Variants in CCDC18 observed in about 807,000 individuals in gnomAD.
The protein encoded by CCDC18 is coiled-coil domain-containing protein 18.
CCDC18 carries 157 observed loss-of-function variants against 196.0 expected under a neutral mutation model. The observed-to-expected ratio is 0.80, with a 90% CI of 0.70 to 0.91. CCDC18 has a LOEUF of 0.91. Ranked by LOEUF, CCDC18 falls within the 40% of genes least tolerant of loss-of-function variation. The pLI is 0.00. For synonymous variants in CCDC18, 482 were observed against 529.2 expected, an observed-to-expected ratio of 0.91 and a Z score of 1.22; for missense variants, 1,465 against 1,611.6, an observed-to-expected ratio of 0.91 and a Z score of 1.56.
At chr1:93,189,961 C>T (rs988343365) in intron 4 of CCDC18, among the ~76,000 whole-genome samples, 22 of 152,214 alleles carry the variant, frequency 1.4e-4, no homozygotes, top group African/African-American at 4.6e-4. Flanking sequence ...GCGCCTGGCC[C>T]TGTGATTTTT....
intron 4 of CCDC18, among the ~76,000 whole-genome samples, chr1:93,188,067 T>A (rs1408413474): frequency 2.6e-5 from 4 of 152,218 alleles, no homozygotes; most frequent in African/African-American, 9.7e-5. Context: ...TTTGAACCTT[T>A]CTTTTTAGGA....
At position 93,221,872 on chromosome 1, in the gene CCDC18, A is replaced by G; in HGVS notation, c.2111A>G (p.Glu704Gly). ...TACTGTTTTTAGGAAATGAAAAAGG[A>G]AAATATGAAGAAAGATGAAGCTTTA... ...LTESKGEMKK[E>G]NMKKDEALKA... Residue 704 changes from glutamate to glycine, a missense_variant, in exon 16 of 29, where the codon GAA becomes GGA. Transcript: ENST00000690025. 6.2e-7 allele frequency: 1 copy of G among 1,601,270 alleles called. No individual in the cohort carries two copies. Among genetic ancestry groups the G allele is most frequent in the Non-Finnish European group, 8.5e-7 (1 of 1,173,038 alleles).
chr1:93,264,809 G>A lies in CCDC18; in HGVS notation c.3793G>A (p.Glu1265Lys). 1 of 1,613,458 alleles carries A rather than the reference G, an allele frequency of 6.2e-7. No homozygotes were observed. Among genetic ancestry groups the A allele is most frequent in the South Asian group, 1.1e-5 (1 of 91,042 alleles). ...GTTAGAGAAGGCAAAATTGGAATTA[G>A]AAGAAGCTCAGGATACTGTAAGCAA... ...EQLEKAKLEL[E>K]EAQDTVSNLH... is the part of the protein sequence containing the mutation. Residue 1265 changes from glutamate to lysine, a missense_variant, in exon 27 of 29, where the codon GAA (glutamate) becomes AAA (lysine). Physicochemically the swap from Glu to Lys is moderately conservative, Grantham distance 56 (BLOSUM62 1). Coordinates refer to ENST00000690025, the MANE Select transcript of CCDC18 (RefSeq NM_001378204.1).
intron 4 of CCDC18, chr1:93,191,044 T>G: frequency 1.1e-6 from 1 of 873,060 alleles, no homozygotes; most frequent in Non-Finnish European, 1.9e-6. Flanking sequence ...CCTGCAGGTT[T>G]TAGGAATGTT....
At chr1:93,216,323 G>C (rs1261732391) in intron 12 of CCDC18, among the ~76,000 whole-genome samples, 1 of 152,210 alleles carries the variant, frequency 6.6e-6, no homozygotes, top group African/African-American at 2.4e-5. Context: ...CGTAAAAATA[G>C]ATTAGGGTAT....
chr1:93,221,996 A>G, intron 16 of CCDC18, 60 bp downstream of exon 16: 2 of 1,151,220 alleles, frequency 1.7e-6, no homozygotes, highest in Non-Finnish European at 2.5e-6. Context: ...AACAGACAGA[A>G]TCTCTCTCAT....
rs746280443 is a variant in CCDC18, at chr1:93,254,519, GAA to G, written c.3251_3252del (p.Lys1084ArgfsTer8). Reference protein sequence around the residue: ...KLQNAKEQLREKEFIMLQNEQ... With the variant: ...KLQNAKEQLRXKEFIMLQNEQ... ...ACAAAATGCTAAAGAACAGCTTCGAGAAAAAGAGTTTATAATGCTACAAAATG... is the reference window on the plus strand; with the variant it reads ...ACAAAATGCTAAAGAACAGCTTCGAGAAAGAGTTTATAATGCTACAAAATG... On this transcript the variant is annotated frameshift_variant, in exon 24 of 29. Transcript: ENST00000690025. LOFTEE classifies it high-confidence loss of function. 3.1e-6 allele frequency: 5 copies of G among 1,603,266 alleles called. No individual in the cohort carries two copies. In the South Asian group the frequency reaches 3.3e-5, roughly 11 times the overall value.
chr1:93,246,531 A>C (rs1661519865), intron 22 of CCDC18, among the ~76,000 whole-genome samples: 1 of 152,132 alleles, frequency 6.6e-6, no homozygotes, highest in South Asian at 2.1e-4. Context: ...ATGAAGTCTG[A>C]ATTATTTGTC....
At chr1:93,197,998 G>A (rs1271172124) in intron 6 of CCDC18, among the ~76,000 whole-genome samples, 10 of 151,798 alleles carry the variant, frequency 6.6e-5, no homozygotes, top group Admixed American at 4.6e-4. Flanking sequence ...TGATCCGCCC[G>A]CCTTGGCCTC....
At chr1:93,226,787 G>A (rs1402127459) in intron 17 of CCDC18, among the ~76,000 whole-genome samples, 11 of 152,066 alleles carry the variant, frequency 7.2e-5, no homozygotes, top group Non-Finnish European at 1.2e-4. Flanking sequence ...ACCCACCTCG[G>A]CCTCCCAAAG....
intron 4 of CCDC18, among the ~76,000 whole-genome samples, chr1:93,187,479 T>C (rs1012022479): frequency 1.3e-5 from 2 of 152,124 alleles, no homozygotes; most frequent in African/African-American, 4.8e-5. Context: ...ACATGTGATA[T>C]ATTAAGGTTA....
intron 28 of CCDC18, among the ~76,000 whole-genome samples, chr1:93,273,743 A>C (rs1665483148): frequency 6.6e-6 from 1 of 152,162 alleles, no homozygotes; most frequent in African/African-American, 2.4e-5. Context: ...GCAGTCATAG[A>C]TATGCAAGAC....
rs375334492 is a variant in CCDC18, at chr1:93,270,733, T to C, written c.4272T>C (p.Leu1424=). 5.7e-5 allele frequency: 89 copies of C among 1,550,102 alleles called. 1 individual carries two copies. The highest frequency in any genetic ancestry group is 3.4e-4 in the African/African-American group (25 of 73,136). ...CTGAGAATAATGACTTTAACACGCTTAGTGGGATGCTAAGATACATAAACA... is the reference window on the plus strand; with the variant it reads ...CTGAGAATAATGACTTTAACACGCTCAGTGGGATGCTAAGATACATAAACA... ...DSSENNDFNT[L]SGMLRYINKE... The change falls in exon 28 of 29, where the codon CTT becomes CTC. Residue 1424 remains leucine, a synonymous_variant. Transcript: ENST00000690025.
At chr1:93,189,917 T>A (rs529046944) in intron 4 of CCDC18, among the ~76,000 whole-genome samples, 45 of 152,290 alleles carry the variant, frequency 3.0e-4, no homozygotes, top group African/African-American at 1.1e-3. Flanking sequence ...TCCACCCACC[T>A]CCCAAAGTGC....
At chr1:93,245,090 C>CATTT (rs1417356736) in intron 21 of CCDC18, among the ~76,000 whole-genome samples, 4 of 152,262 alleles carry the variant, frequency 2.6e-5, no homozygotes, top group African/African-American at 9.6e-5. Flanking sequence ...AGATCAGAGA[C>CATTT]ATTTATCTTT....
chr1:93,250,391 A>T (rs989648083), intron 23 of CCDC18, among the ~76,000 whole-genome samples: 1 of 151,776 alleles, frequency 6.6e-6, no homozygotes, highest in Admixed American at 6.6e-5. Context: ...AAAAAAAAAA[A>T]AAAAAAGAAA....
Position 93,276,262 on chromosome 1 carries a change from A to G in CCDC18, c.4354-2201A>G, listed in dbSNP as rs139026830. On this transcript the variant is annotated intron_variant, in intron 28 of 28. Transcript: ENST00000690025. ...AATGGTTAAGTACGTTGGCACTTCC[A>G]TTGAGAGTAAAGCCTCTTAACACTG... Among the ~76,000 whole-genome samples, 693 of 152,352 alleles carry G rather than the reference A, an allele frequency of 4.5e-3. 9 individuals are homozygous for G. The highest frequency in any genetic ancestry group is 0.016 in the African/African-American group (653 of 41,580).
chr1:93,214,743 C>T lies in CCDC18; in HGVS notation c.1496C>T (p.Ala499Val), dbSNP rs1468981687. The change falls in exon 12 of 29, where the codon GCA becomes GTA. Residue 499 changes from alanine to valine, a missense_variant and splice_region_variant. Coordinates refer to ENST00000690025, the MANE Select transcript of CCDC18 (RefSeq NM_001378204.1). ...EPVKLGGHQV[A>V]ESVKDQNQHT... is the part of the protein sequence containing the mutation. The stretch of plus-strand genomic sequence containing the variant: ...ACAATTTTCCTTTTATGTTTATTAG[C>T]AGAAAGCGTAAAAGATCAAAATCAA... 1.2e-6 allele frequency: 2 copies of T among 1,604,464 alleles called. No homozygotes were observed. Among genetic ancestry groups the T allele is most frequent in the African/African-American group, 2.7e-5 (2 of 74,514 alleles).
intron 17 of CCDC18, among the ~76,000 whole-genome samples, chr1:93,231,212 T>A (rs1226473980): frequency 6.6e-6 from 1 of 152,244 alleles, no homozygotes. Flanking sequence ...AATTTCCTTT[T>A]GGAATGATAT....
Sources: gnomAD v4.1 joint callset for allele counts (sites outside exome capture counted in the v4.1 genomes callset) on GRCh38, gnomAD v4.1.1 for gene constraint, MANE v1.5 for transcripts, NCBI Gene and HGNC (gene_info 2026-07-23, HGNC 2026-07-21) for gene names.